Variants in DOC2B observed in about 807,000 individuals in gnomAD.
DOC2B encodes the protein double C2 domain beta, also known as double C2-like domain-containing protein beta.
A neutral mutation model predicts 28.9 loss-of-function variants in DOC2B; 21 were observed. The observed-to-expected ratio is 0.73, with a 90% CI of 0.52 to 1.05. The LOEUF (loss-of-function observed/expected upper bound fraction) is 1.05. DOC2B is among the 50% of genes least tolerant of loss of function. DOC2B has a pLI of 0.00. For missense variants in DOC2B, 384 were observed against 421.1 expected, an observed-to-expected ratio of 0.91 and a Z score of 0.77; for synonymous variants, 194 against 178.1, an observed-to-expected ratio of 1.09 and a Z score of -0.71.
intron 7 of DOC2B, among the ~76,000 whole-genome samples, 181 bp from the exon 8 acceptor site, chr17:148,450 G>A (rs1204892497): frequency 1.3e-5 from 2 of 152,070 alleles, no homozygotes; most frequent in African/African-American, 4.8e-5. Context: ...GGTCTTCAGG[G>A]CCCCTGTCCC....
At chr17:148,993 T>A in intron 7 of DOC2B, 118 bp downstream of exon 7, 44 of 275,740 alleles carry the variant, frequency 1.6e-4, no homozygotes, top group Admixed American at 1.7e-4. Context: ...GTGCGGCCCC[T>A]CCCCACCGTC....
Position 142,902 on chromosome 17 carries a change from TATA to T in DOC2B, c.*4536_*4538del, listed in dbSNP as rs2039994745. On this transcript the variant is annotated 3_prime_UTR_variant, in exon 9 of 9. Coordinates refer to ENST00000613549, the MANE Select transcript of DOC2B (RefSeq NM_003585.5). ...ATTTTCTAACAAGGTGGAATGAAAA[TATA>T]AAGTGTGGGGATTGCTACTAGTCCT... The T allele has an allele frequency of 6.6e-6, 1 of 152,194 alleles. No homozygotes were observed. The highest frequency in any genetic ancestry group is 2.4e-5 in the African/African-American group (1 of 41,446). 9.4% of individuals were successfully genotyped at this position (152,194 alleles called of 1,614,324 possible). A position where few individuals can be genotyped will look rare whatever the true frequency, so the allele number is the denominator to read the frequency against.
intron 2 of DOC2B, among the ~76,000 whole-genome samples, chr17:170,493 A>AG (rs2040299431): frequency 1.3e-5 from 2 of 151,644 alleles, no homozygotes; most frequent in Admixed American, 6.6e-5. Flanking sequence ...GAGGAGGGGC[A>AG]GGGGGCCTGC....
At chr17:160,145 C>T (rs749612059) in intron 5 of DOC2B, among the ~76,000 whole-genome samples, 3 of 152,090 alleles carry the variant, frequency 2.0e-5, no homozygotes, top group Admixed American at 6.5e-5. Context: ...CCCCCACACC[C>T]GGCTAATTTT....
intron 1 of DOC2B, among the ~76,000 whole-genome samples, chr17:174,244 C>T (rs1030927125): frequency 2.0e-5 from 3 of 152,176 alleles, no homozygotes; most frequent in South Asian, 2.1e-4. Flanking sequence ...TCAGTCTCCT[C>T]GGTTCAAATC....
At chr17:161,131 G>A (rs923369338) in intron 5 of DOC2B, among the ~76,000 whole-genome samples, 1 of 152,046 alleles carries the variant, frequency 6.6e-6, no homozygotes, top group Non-Finnish European at 1.5e-5. Context: ...CAGGCCTCCT[G>A]CCCTCTCCTC....
At chr17:180,105 A>G (rs954708574) in intron 1 of DOC2B, among the ~76,000 whole-genome samples, 16 of 152,222 alleles carry the variant, frequency 1.1e-4, no homozygotes, top group African/African-American at 3.9e-4. Context: ...CATCCCGGGA[A>G]GGGCTGGGGT....
rs1007739119 is a variant in DOC2B at position 143,172 on chromosome 17, T to G, written c.*4269A>C. On this transcript the variant is annotated 3_prime_UTR_variant, in exon 9 of 9. Coordinates refer to ENST00000613549, the MANE Select transcript of DOC2B (RefSeq NM_003585.5). Reference sequence around the variant, plus strand: ...CTGCCATCGACCAGCCGTGTGATTCTGTAAAAGTATTTTAACCTCTCTGGG... The same window carrying G: ...CTGCCATCGACCAGCCGTGTGATTCGGTAAAAGTATTTTAACCTCTCTGGG... 2 of 152,154 alleles carry G rather than the reference T, an allele frequency of 1.3e-5. No individual in the cohort carries two copies. The highest frequency in any genetic ancestry group is 6.5e-5 in the Admixed American group (1 of 15,274). The allele number at this position is 152,154 out of a possible 1,614,324, so 9.4% of individuals were successfully genotyped here.
At chr17:169,139 A>G (rs1180207311) in intron 2 of DOC2B, among the ~76,000 whole-genome samples, 4 of 152,104 alleles carry the variant, frequency 2.6e-5, no homozygotes, top group Admixed American at 6.6e-5. Context: ...CTGAAGTATC[A>G]TTCAGCCTGA....
At chr17:155,018 T>A (rs531047163) in intron 6 of DOC2B, among the ~76,000 whole-genome samples, 1 of 152,198 alleles carries the variant, frequency 6.6e-6, no homozygotes, top group African/African-American at 2.4e-5. Flanking sequence ...CACGAGCCAC[T>A]GCACTCAGCC....
intron 1 of DOC2B, among the ~76,000 whole-genome samples, chr17:180,315 G>T (rs1169783099): frequency 6.6e-6 from 1 of 152,142 alleles, no homozygotes; most frequent in East Asian, 1.9e-4. Flanking sequence ...CGCCAGGAGC[G>T]CCCACCGGCC....
At chr17:170,814 G>GGA (rs2151352824) in intron 2 of DOC2B, among the ~76,000 whole-genome samples, 3,013 of 123,182 alleles carry the variant, frequency 0.024, 90 homozygotes, top group Middle Eastern at 0.042. Flanking sequence ...GCTGCAGAGG[G>GGA]CAGCACCAGG....
intron 6 of DOC2B, among the ~76,000 whole-genome samples, chr17:150,349 C>T (rs1024997019): frequency 2.0e-5 from 3 of 152,068 alleles, no homozygotes; most frequent in Non-Finnish European, 2.9e-5. Context: ...ATCTGTCCAG[C>T]GAATACCTGC....
chr17:169,058 C>G (rs921376787), intron 2 of DOC2B, among the ~76,000 whole-genome samples: 5 of 152,118 alleles, frequency 3.3e-5, no homozygotes, highest in African/African-American at 1.2e-4. Context: ...CCCCAAAAAC[C>G]TAGCCCTGCC....
chr17:149,393 A>T (rs1265605248), intron 6 of DOC2B, among the ~76,000 whole-genome samples: 1 of 152,046 alleles, frequency 6.6e-6, no homozygotes, highest in Admixed American at 6.6e-5. Context: ...CCCTTCATCC[A>T]CCGCACTTCT....
At chr17:152,341 C>T (rs1555521884) in intron 6 of DOC2B, among the ~76,000 whole-genome samples, 1 of 152,210 alleles carries the variant, frequency 6.6e-6, no homozygotes, top group Non-Finnish European at 1.5e-5. Flanking sequence ...TTACGTGTAA[C>T]TCGACATGTC....
In DOC2B at chr17:149,155, T is replaced by C; in HGVS notation, c.961A>G (p.Lys321Glu). The C allele has an allele frequency of 2.5e-6, 1 of 400,024 alleles. No individual in the cohort carries two copies. Among genetic ancestry groups the C allele is most frequent in the Non-Finnish European group, 4.4e-6 (1 of 226,436 alleles). 24.8% of individuals were successfully genotyped at this position (400,024 alleles called of 1,614,324 possible). Reference protein sequence around the residue: ...RPDVDKKSKHKTAVKKKTLNP... With the variant: ...RPDVDKKSKHETAVKKKTLNP... ...AGGGTTTTTTTCTTCACCGCTGTCTTATGTTTGGATTTCTTGTCCACATCT... is the reference window on the plus strand; with the variant it reads ...AGGGTTTTTTTCTTCACCGCTGTCTCATGTTTGGATTTCTTGTCCACATCT... Residue 321 changes from lysine (K) to glutamate (E), a missense_variant, in exon 7 of 9, where the codon AAG becomes GAG. Lys to Glu is a moderately conservative substitution (Grantham distance 56, BLOSUM62 1). Transcript: ENST00000613549.
chr17:164,097 A>T, intron 3 of DOC2B, 33 bp downstream of exon 3: 1 of 1,509,566 alleles, frequency 6.6e-7, no homozygotes, highest in Non-Finnish European at 9.0e-7. Context: ...GGGCGGGTGC[A>T]GCTGGTGGGC....
At chr17:161,708 C>T (rs2040206840) in intron 4 of DOC2B, among the ~76,000 whole-genome samples, 167 bp from the exon 5 acceptor site, 1 of 152,214 alleles carries the variant, frequency 6.6e-6, no homozygotes, top group Admixed American at 6.5e-5. Flanking sequence ...CAGAGTGTGG[C>T]ACGATATCAG....
Sources: allele counts gnomAD v4.1 joint callset (sites outside exome capture counted in the v4.1 genomes callset), GRCh38; gene constraint gnomAD v4.1.1; transcripts MANE v1.5; gene names NCBI Gene and HGNC (gene_info 2026-07-23, HGNC 2026-07-21).